Variants in DSCAM observed in about 807,000 individuals in gnomAD.
DSCAM encodes cell adhesion molecule DSCAM.
DSCAM carries 47 observed loss-of-function variants against 217.7 expected under a neutral mutation model. The observed-to-expected ratio is 0.22, with a 90% confidence interval of 0.17 to 0.28. The LOEUF (loss-of-function observed/expected upper bound fraction) is 0.28. Among genes scored for constraint, DSCAM ranks in the 10% least tolerant of loss-of-function variants. DSCAM has a pLI of 1.00. For missense variants in DSCAM, 2,080 were observed against 2,618.3 expected (o/e 0.79, Z 4.49); for synonymous variants, 1,056 against 1,015.3 (o/e 1.04, Z -0.76).
chr21:40,257,813 C>A (rs913897623), intron 11 of DSCAM, among the ~76,000 whole-genome samples: 1 of 152,152 alleles, frequency 6.6e-6, no homozygotes, highest in African/African-American at 2.4e-5. Flanking sequence ...CAAGGTAGCA[C>A]AGAGGTGGCT....
chr21:40,358,467 A>C (rs539688891), intron 4 of DSCAM, among the ~76,000 whole-genome samples: 17 of 152,306 alleles, frequency 1.1e-4, no homozygotes, highest in African/African-American at 3.6e-4. Flanking sequence ...CATAACACTA[A>C]GAAAACAAGC....
At chr21:40,106,432 C>A (rs1479926129) in intron 20 of DSCAM, among the ~76,000 whole-genome samples, 1 of 152,038 alleles carries the variant, frequency 6.6e-6, no homozygotes, top group Non-Finnish European at 1.5e-5. Flanking sequence ...CTGAAGTTTT[C>A]TTTTTTGTCA....
At chr21:40,235,571 C>A (rs985792722) in intron 11 of DSCAM, among the ~76,000 whole-genome samples, 1 of 151,972 alleles carries the variant, frequency 6.6e-6, no homozygotes, top group Non-Finnish European at 1.5e-5. Flanking sequence ...AAGGACCATT[C>A]GGAAGAAAGA....
intron 3 of DSCAM, among the ~76,000 whole-genome samples, chr21:40,477,341 T>C (rs1252830168): frequency 1.3e-5 from 2 of 152,064 alleles, no homozygotes; most frequent in African/African-American, 4.8e-5. Flanking sequence ...GGAGATACCA[T>C]GCTTAACACA....
chr21:40,764,742 C>T (rs1271443783), intron 1 of DSCAM, among the ~76,000 whole-genome samples: 1 of 152,124 alleles, frequency 6.6e-6, no homozygotes, highest in East Asian at 1.9e-4. Flanking sequence ...AAATATGGCA[C>T]ATATACACCA....
intron 27 of DSCAM, among the ~76,000 whole-genome samples, chr21:40,063,910 A>G (rs746800929): frequency 1.3e-5 from 2 of 152,136 alleles, no homozygotes; most frequent in Non-Finnish European, 2.9e-5. Flanking sequence ...GCCAGTCCCA[A>G]TGGTAACCCC....
intron 9 of DSCAM, among the ~76,000 whole-genome samples, chr21:40,301,273 G>C (rs66765790): frequency 0.17 from 26,150 of 152,090 alleles, 4,046 homozygotes; most frequent in African/African-American, 0.4. Flanking sequence ...TAAAAGCATC[G>C]CATATTCCCA....
chr21:40,647,699 G>C (rs1324992504), intron 3 of DSCAM, among the ~76,000 whole-genome samples: 1 of 152,154 alleles, frequency 6.6e-6, no homozygotes, highest in Non-Finnish European at 1.5e-5. Flanking sequence ...ATTCCTTCTA[G>C]AACTACATAC....
At chr21:40,441,528 C>T (rs929435106) in intron 3 of DSCAM, among the ~76,000 whole-genome samples, 3 of 152,286 alleles carry the variant, frequency 2.0e-5, no homozygotes, top group Admixed American at 2.0e-4. Context: ...AGGCAGATCC[C>T]TCACCATAAA....
chr21:40,214,546 C>T (rs1363340546), intron 11 of DSCAM, among the ~76,000 whole-genome samples: 5 of 151,678 alleles, frequency 3.3e-5, no homozygotes, highest in Non-Finnish European at 5.9e-5. Flanking sequence ...AACACAGGAC[C>T]GTAAACAGCT....
intron 11 of DSCAM, among the ~76,000 whole-genome samples, chr21:40,192,482 T>C (rs2090962160): frequency 6.6e-6 from 1 of 152,184 alleles, no homozygotes; most frequent in African/African-American, 2.4e-5. Flanking sequence ...AAGAAGCATA[T>C]GTTTGCTTCC....
intron 1 of DSCAM, among the ~76,000 whole-genome samples, chr21:40,814,916 T>C (rs932332667): frequency 2.4e-4 from 37 of 152,260 alleles, no homozygotes; most frequent in African/African-American, 8.9e-4. Flanking sequence ...AAACAGCAAT[T>C]AGCGAGGTGA....
rs1230619080 is a variant in DSCAM, at chr21:40,692,945, G to A, written c.373C>T (p.Pro125Ser). 6.2e-7 allele frequency: 1 copy of A among 1,605,860 alleles called. No individual in the cohort carries two copies. The highest frequency in any genetic ancestry group is 8.5e-7 in the Non-Finnish European group (1 of 1,173,440). Residue 125 changes from proline to serine, a missense_variant, in exon 3 of 33, where the codon CCC becomes TCC. Pro to Ser is a moderately conservative substitution (Grantham distance 74, BLOSUM62 -1). Around this residue, in one of 5 missense-constraint regions of DSCAM, gnomAD observed 568 missense variants for 678.1 expected, o/e 0.84. Transcript: ENST00000400454. ...TGGTCCTCCACACGGACTGTATAGG[G>A]CTCCCGTAAAACTGGAAGGCAGAAA... is the stretch of plus-strand genomic sequence containing the variant. ...DVHIKAVLRE[P>S]YTVRVEDQKT...
At chr21:40,192,436 C>A (rs1033622210) in intron 11 of DSCAM, among the ~76,000 whole-genome samples, 1 of 152,142 alleles carries the variant, frequency 6.6e-6, no homozygotes, top group East Asian at 1.9e-4. Context: ...GGCTTTCCGC[C>A]CTTTACTCTG....
At chr21:40,253,860 G>A (rs1422212075) in intron 11 of DSCAM, among the ~76,000 whole-genome samples, 1 of 152,186 alleles carries the variant, frequency 6.6e-6, no homozygotes, top group Non-Finnish European at 1.5e-5. Flanking sequence ...TGGTAAAATG[G>A]TAATTGTTAA....
intron 10 of DSCAM, among the ~76,000 whole-genome samples, chr21:40,286,597 C>T (rs917769400): frequency 2.6e-5 from 4 of 152,222 alleles, no homozygotes; most frequent in African/African-American, 7.2e-5. Context: ...TTTATTTAAG[C>T]AAATTTCTGT....
intron 3 of DSCAM, among the ~76,000 whole-genome samples, chr21:40,496,940 G>A (rs1343295447): frequency 1.3e-5 from 2 of 152,102 alleles, no homozygotes; most frequent in Non-Finnish European, 2.9e-5. Context: ...ACCACAATGA[G>A]ATGTCACCTC....
chr21:40,310,488 T>G (rs143861082), intron 9 of DSCAM, among the ~76,000 whole-genome samples: 1 of 152,234 alleles, frequency 6.6e-6, no homozygotes, highest in East Asian at 1.9e-4. Context: ...ATTTAACATA[T>G]TTGAAGAACA....
At chr21:40,334,794 C>G (rs997362083) in intron 8 of DSCAM, among the ~76,000 whole-genome samples, 1 of 152,098 alleles carries the variant, frequency 6.6e-6, no homozygotes, top group African/African-American at 2.4e-5. Flanking sequence ...ACTACGGGCT[C>G]GTCCCACCTT....
Sources: allele counts gnomAD v4.1 joint callset (sites outside exome capture counted in the v4.1 genomes callset), GRCh38; gene constraint gnomAD v4.1.1; regional missense constraint gnomAD v4.1.1; transcripts MANE v1.5; gene names NCBI Gene and HGNC (gene_info 2026-07-23, HGNC 2026-07-21).